AMBRA1: variants seen among roughly 807,000 people sequenced by gnomAD.
The protein encoded by AMBRA1 is autophagy and beclin 1 regulator 1, also known as activating molecule in BECN1-regulated autophagy protein 1.
AMBRA1 carries 47 observed loss-of-function variants against 125.4 expected under a neutral mutation model. The ratio of observed to expected loss-of-function variants is 0.37; its 90% CI spans 0.30 to 0.48. The LOEUF (loss-of-function observed/expected upper bound fraction) is 0.48, where lower values mean the gene tolerates loss of function less well. Ranked by LOEUF, AMBRA1 falls within the 20% of genes least tolerant of loss-of-function variation. The pLI is 0.99. For synonymous variants in AMBRA1, 626 were observed against 655.5 expected, an observed-to-expected ratio of 0.95 and a Z score of 0.69; for missense variants, 1,331 against 1,693.4, an observed-to-expected ratio of 0.79 and a Z score of 3.76.
chr11:46,485,806 C>T (rs1251427394), intron 11 of AMBRA1, among the ~76,000 whole-genome samples: 1 of 152,108 alleles, frequency 6.6e-6, no homozygotes, highest in Non-Finnish European at 1.5e-5. Flanking sequence ...AGTATTTTTC[C>T]CTAGAAAAGC....
chr11:46,398,044 A>AT, intron 17 of AMBRA1, 101 bp from the exon 18 acceptor site: 1 of 1,435,232 alleles, frequency 7.0e-7, no homozygotes, highest in South Asian at 1.4e-5. Context: ...TCTTGACTAA[A>AT]CGCAGGATAG....
chr11:46,547,799 T>C lies in AMBRA1; in HGVS notation c.194+18A>G, dbSNP rs200180277. The C allele has an allele frequency of 3.5e-4, 558 of 1,602,950 alleles. 1 individual carries two copies. Among genetic ancestry groups the C allele is most frequent in the Middle Eastern group, 5.0e-4 (3 of 6,054 alleles). On this transcript the variant is annotated intron_variant, in intron 3 of 17. Transcript: ENST00000683756. ...CACTGTTATCACAAATCTTAAGTTA[T>C]AGATAAATACTGAGTACCTGTCTGG...
At chr11:46,577,642 A>G (rs1349114550) in intron 1 of AMBRA1, among the ~76,000 whole-genome samples, 2 of 152,158 alleles carry the variant, frequency 1.3e-5, no homozygotes, top group Admixed American at 6.6e-5. Context: ...CTTATTCTAA[A>G]AAAAAAAGAA....
chr11:46,511,175 C>T (rs948940809), intron 8 of AMBRA1, among the ~76,000 whole-genome samples: 1 of 152,174 alleles, frequency 6.6e-6, no homozygotes, highest in Non-Finnish European at 1.5e-5. Context: ...CTATTGCTGT[C>T]TTTATTGCAA....
At chr11:46,428,527 T>C in intron 14 of AMBRA1, 1 of 856,840 alleles carries the variant, frequency 1.2e-6, no homozygotes, top group South Asian at 1.5e-5. Flanking sequence ...TTCAAGTTCC[T>C]AGTGCCTCTA....
intron 17 of AMBRA1, among the ~76,000 whole-genome samples, chr11:46,405,688 T>C (rs1373265792): frequency 6.6e-6 from 1 of 151,980 alleles, no homozygotes; most frequent in East Asian, 2.0e-4. Flanking sequence ...ATGGTGCCAC[T>C]GTACTCCAGC....
At chr11:46,437,405 GAA>G (rs1947774872) in intron 12 of AMBRA1, among the ~76,000 whole-genome samples, 1 of 152,146 alleles carries the variant, frequency 6.6e-6, no homozygotes, top group Non-Finnish European at 1.5e-5. Context: ...AAGGACAAAC[GAA>G]AAGAGAATGC....
chr11:46,525,815 G>A (rs1467666578), intron 7 of AMBRA1, among the ~76,000 whole-genome samples: 1 of 152,156 alleles, frequency 6.6e-6, no homozygotes, highest in East Asian at 1.9e-4. Flanking sequence ...GTGAGGCTGA[G>A]GCAGGAGAAC....
At position 46,428,825 on chromosome 11, in the gene AMBRA1, A is replaced by G. The variant is rs931280055; in HGVS notation, c.2976+4649T>C. The stretch of plus-strand genomic sequence containing the variant: ...GAGTCTCGCAGGTCGCTCACCCTCC[A>G]GACCTTTAGGCCGAGGCCTGCCAGT... On this transcript the variant is annotated intron_variant, in intron 14 of 17. Transcript: ENST00000683756. The G allele has an allele frequency of 3.7e-6, 6 of 1,611,292 alleles. No individual in the cohort carries two copies. In the African/African-American group the frequency reaches 8.0e-5, roughly 22 times the overall value.
At chr11:46,502,831 T>C (rs1274630136) in intron 9 of AMBRA1, among the ~76,000 whole-genome samples, 1 of 151,994 alleles carries the variant, frequency 6.6e-6, no homozygotes, top group African/African-American at 2.4e-5. Context: ...GAGGCCGAAG[T>C]GGGCAGATCA....
intron 1 of AMBRA1, among the ~76,000 whole-genome samples, chr11:46,554,933 T>A (rs1463637773): frequency 6.6e-6 from 1 of 152,070 alleles, no homozygotes. Flanking sequence ...GGCTAGGATA[T>A]GTACATAAGA....
chr11:46,493,870 A>G (rs1950546136), intron 10 of AMBRA1, 162 bp from the exon 11 acceptor site: 1 of 653,764 alleles, frequency 1.5e-6, no homozygotes, highest in Non-Finnish European at 2.6e-6. Context: ...ATTTGTATCT[A>G]TCTTTTTCTG....
In AMBRA1 at chr11:46,543,047, G is replaced by T. The variant is rs764253044; in HGVS notation, c.970C>A (p.Pro324Thr). 1 of 1,599,082 alleles carries T rather than the reference G, an allele frequency of 6.3e-7. No individual in the cohort carries two copies. Among genetic ancestry groups the T allele is most frequent in the South Asian group, 1.1e-5 (1 of 91,070 alleles). The change falls in exon 7 of 18, where the codon CCA becomes ACA. Residue 324 changes from proline to threonine, a missense_variant. Coordinates refer to ENST00000683756, the MANE Select transcript of AMBRA1 (RefSeq NM_001387011.1). The stretch of plus-strand genomic sequence containing the variant: ...GCAGGGGGGACACTGTCCTGGTGTG[G>T]CAAGAGGGAAGGAACTCGAGTGCCA... ...CSGTRVPSLL[P>T]HQDSVPPASA...
chr11:46,447,590 G>A (rs1948354362), intron 11 of AMBRA1, among the ~76,000 whole-genome samples: 1 of 152,048 alleles, frequency 6.6e-6, no homozygotes, highest in African/African-American at 2.4e-5. Flanking sequence ...GCGTGTACCT[G>A]TAGTCCCAGC....
chr11:46,588,979 C>G (rs2044499353), intron 1 of AMBRA1, among the ~76,000 whole-genome samples: 1 of 152,038 alleles, frequency 6.6e-6, no homozygotes, highest in Admixed American at 6.6e-5. Flanking sequence ...AACATCTACT[C>G]TAAAGGACTC....
At chr11:46,530,852 T>C (rs1952181438) in intron 7 of AMBRA1, among the ~76,000 whole-genome samples, 1 of 152,178 alleles carries the variant, frequency 6.6e-6, no homozygotes, top group South Asian at 2.1e-4. Context: ...CCATAAATAG[T>C]TTTTTTGGAA....
intron 1 of AMBRA1, among the ~76,000 whole-genome samples, chr11:46,578,347 C>T (rs969151057): frequency 6.6e-6 from 1 of 151,214 alleles, no homozygotes; most frequent in African/African-American, 2.4e-5. Context: ...ATTAGCCAGG[C>T]GTGGTCATGT....
intron 14 of AMBRA1, among the ~76,000 whole-genome samples, chr11:46,419,432 T>C (rs1946737757): frequency 6.6e-6 from 1 of 152,146 alleles, no homozygotes; most frequent in Non-Finnish European, 1.5e-5. Context: ...AACAAACACA[T>C]ACATTCAAAT....
At chr11:46,470,845 A>G (rs1949558166) in intron 11 of AMBRA1, among the ~76,000 whole-genome samples, 1 of 152,212 alleles carries the variant, frequency 6.6e-6, no homozygotes, top group South Asian at 2.1e-4. Context: ...ATATTTGAGT[A>G]TCTACTACAT....
Sources: allele counts gnomAD v4.1 joint callset (sites outside exome capture counted in the v4.1 genomes callset), GRCh38; gene constraint gnomAD v4.1.1; transcripts MANE v1.5; gene names NCBI Gene and HGNC (gene_info 2026-07-23, HGNC 2026-07-21).